Variants in DNMT3B observed in about 807,000 individuals in gnomAD.
The protein encoded by DNMT3B is DNA (cytosine-5)-methyltransferase 3B.
Under a neutral mutation model 120.2 loss-of-function variants are expected in DNMT3B, and 37 were observed. That is an observed-to-expected ratio of 0.31 (90% CI 0.24 to 0.40). The LOEUF (loss-of-function observed/expected upper bound fraction) is 0.40. DNMT3B is among the 10% of genes least tolerant of loss of function. The pLI, the probability that DNMT3B is intolerant of heterozygous loss-of-function variation, is 1.00. For missense variants in DNMT3B, 878 were observed against 1,137.3 expected (o/e 0.77, Z 3.28); for synonymous variants, 412 against 442.8 (o/e 0.93, Z 0.87).
At chr20:32,774,065 T>C (rs2145874506) in intron 1 of DNMT3B, among the ~76,000 whole-genome samples, 1 of 151,544 alleles carries the variant, frequency 6.6e-6, no homozygotes, top group Non-Finnish European at 1.5e-5. Context: ...TGTGTTCTGC[T>C]GCCGCCGCCA....
chr20:32,808,256 GT>G lies in DNMT3B; in HGVS notation c.*354del, dbSNP rs1982181361. On this transcript the variant is annotated 3_prime_UTR_variant, in exon 23 of 23. Coordinates refer to ENST00000328111, the MANE Select transcript of DNMT3B (RefSeq NM_006892.4). The stretch of plus-strand genomic sequence containing the variant: ...CAATGGCTAAGATACCAAAACCACA[GT>G]GCCGACAGCTCTCCAATACTCAGGT... The G allele has an allele frequency of 5.0e-6, 2 of 402,388 alleles. No individual in the cohort carries two copies. Among genetic ancestry groups the G allele is most frequent in the Non-Finnish European group, 9.3e-6 (2 of 215,820 alleles). 24.9% of individuals were successfully genotyped at this position (402,388 alleles called of 1,614,324 possible).
At position 32,802,765 on chromosome 20, in the gene DNMT3B, C is replaced by T. The variant is rs551151582; in HGVS notation, c.2231+295C>T. Among the ~76,000 whole-genome samples the T allele has an allele frequency of 3.9e-5, 6 of 152,132 alleles. No individual in the cohort carries two copies. The East Asian group carries it at 9.7e-4, about 25-fold the overall frequency. Reference sequence around the variant, plus strand: ...CTGTAATCCCAGCACTTTGGGAGGCCGAGGCTGGAGGATCGCTTGAGCCCA... The same window carrying T: ...CTGTAATCCCAGCACTTTGGGAGGCTGAGGCTGGAGGATCGCTTGAGCCCA... On this transcript the variant is annotated intron_variant, in intron 20 of 22. Transcript: ENST00000328111.
rs764716011 is a variant in DNMT3B at position 32,805,369 on chromosome 20, G to C, written c.2263G>C (p.Glu755Gln). The C allele has an allele frequency of 4.3e-6, 7 of 1,614,056 alleles. No individual in the cohort carries two copies. Among genetic ancestry groups the C allele is most frequent in the Admixed American group, 1.7e-5 (1 of 60,010 alleles). ...GATAGCATCAAAGAATGATAAACTC[G>C]AGCTGCAGGACTGCTTGGAATACAA... ...PVIASKNDKL[E>Q]LQDCLEYNRI... is the part of the protein sequence containing the mutation. The change falls in exon 21 of 23, where the codon GAG (glutamate) becomes CAG (glutamine). Residue 755 changes from glutamate (E) to glutamine (Q), a missense_variant. Coordinates refer to ENST00000328111, the MANE Select transcript of DNMT3B (RefSeq NM_006892.4).
intron 1 of DNMT3B, among the ~76,000 whole-genome samples, chr20:32,771,173 C>G (rs1402738520): frequency 6.6e-6 from 1 of 152,104 alleles, no homozygotes; most frequent in East Asian, 1.9e-4. Context: ...AAAGTCTATC[C>G]ATGTTGAAAC....
At chr20:32,763,154 G>T (rs937167201) in intron 1 of DNMT3B, among the ~76,000 whole-genome samples, 3 of 152,328 alleles carry the variant, frequency 2.0e-5, no homozygotes, top group Admixed American at 1.3e-4. Context: ...GGCAGAGGAG[G>T]TGAGGAGGGG....
intron 14 of DNMT3B, among the ~76,000 whole-genome samples, chr20:32,798,256 C>A (rs1601120171): frequency 6.6e-6 from 1 of 152,264 alleles, no homozygotes; most frequent in Admixed American, 6.5e-5. Flanking sequence ...ATCAGAGAGC[C>A]TGTGGGATTA....
rs1981032113 is a variant in DNMT3B at position 32,799,277 on chromosome 20, G to C, written c.1708G>C (p.Ala570Pro). The change falls in exon 16 of 23, where the codon GCC becomes CCC. Residue 570 changes from alanine to proline, a missense_variant. Physicochemically the swap from Ala to Pro is conservative, Grantham distance 27. Coordinates refer to ENST00000328111, the MANE Select transcript of DNMT3B (RefSeq NM_006892.4). ...APKLYPAIPA[A>P]RRRPIRVLSL... Reference sequence around the variant, plus strand: ...CAAGCTGTACCCTGCCATTCCCGCAGCCCGAAGGCGGCCCATTCGAGTCCT... The same window carrying C: ...CAAGCTGTACCCTGCCATTCCCGCACCCCGAAGGCGGCCCATTCGAGTCCT... 1 of 1,613,312 alleles carries C rather than the reference G, an allele frequency of 6.2e-7. No homozygotes were observed. The highest frequency in any genetic ancestry group is 8.5e-7 in the Non-Finnish European group (1 of 1,179,802).
At chr20:32,771,801 C>T (rs1449089845) in intron 1 of DNMT3B, among the ~76,000 whole-genome samples, 1 of 152,036 alleles carries the variant, frequency 6.6e-6, no homozygotes, top group Non-Finnish European at 1.5e-5. Flanking sequence ...CTATCTCATA[C>T]CATATACAAA....
At chr20:32,796,087 C>G (rs1201869690) in intron 12 of DNMT3B, among the ~76,000 whole-genome samples, 2 of 152,200 alleles carry the variant, frequency 1.3e-5, no homozygotes, top group African/African-American at 4.8e-5. Context: ...GGATTGGATA[C>G]TCTGATCAGA....
chr20:32,805,431 G>A, intron 21 of DNMT3B, 24 bp downstream of exon 21: 1 of 1,613,802 alleles, frequency 6.2e-7, no homozygotes, highest in Non-Finnish European at 8.5e-7. Context: ...TGGCCCTCTG[G>A]AAAAATGCAC....
At chr20:32,806,781 G>A (rs1982028919) in intron 22 of DNMT3B, among the ~76,000 whole-genome samples, 1 of 151,826 alleles carries the variant, frequency 6.6e-6, no homozygotes, top group African/African-American at 2.4e-5. Flanking sequence ...TTGGATTTCA[G>A]TTCTGTTCTG....
rs148312208 is a variant in DNMT3B, at chr20:32,800,153, G to A, written c.1760G>A (p.Gly587Asp). The A allele has an allele frequency of 2.5e-6, 4 of 1,614,238 alleles. No homozygotes were observed. The highest frequency in any genetic ancestry group is 3.4e-6 in the Non-Finnish European group (4 of 1,180,044). ...VLSLFDGIAT[G>D]YLVLKELGIK... ...TTCTGTGTCTCTCTGGCCCCCACAG[G>A]CTACCTAGTCCTCAAAGAGTTGGGC... Residue 587 changes from glycine (G) to aspartate (D), a missense_variant and splice_region_variant, in exon 17 of 23, where the codon GGC becomes GAC. Physicochemically the swap from Gly to Asp is moderately conservative, Grantham distance 94 (BLOSUM62 -1). This residue lies in a region of DNMT3B where 334 missense variants were observed against 518.8 expected (regional missense o/e 0.64). Coordinates refer to ENST00000328111, the MANE Select transcript of DNMT3B (RefSeq NM_006892.4).
chr20:32,801,158 C>A, intron 18 of DNMT3B, 120 bp from the exon 19 acceptor site: 1 of 1,447,782 alleles, frequency 6.9e-7, no homozygotes, highest in Non-Finnish European at 9.6e-7. Context: ...TGGACATAGA[C>A]TGGTAGGCAT....
intron 1 of DNMT3B, among the ~76,000 whole-genome samples, chr20:32,769,330 G>A (rs1401302049): frequency 6.6e-6 from 1 of 152,096 alleles, no homozygotes; most frequent in African/African-American, 2.4e-5. Flanking sequence ...CTCGTGATCT[G>A]CCCGCCTCGG....
intron 13 of DNMT3B, 113 bp from the exon 14 acceptor site, chr20:32,797,074 C>A (rs6057648): frequency 0.024 from 38,891 of 1,604,600 alleles, 836 homozygotes; most frequent in African/African-American, 0.1. Flanking sequence ...TAAAGGACAC[C>A]AAGCCACCAG....
chr20:32,792,806 C>G, intron 9 of DNMT3B, 36 bp downstream of exon 9: 1 of 1,613,220 alleles, frequency 6.2e-7, no homozygotes. Context: ...CCCGCTGCCT[C>G]TGCTGGTGGG....
Position 32,787,419 on chromosome 20 carries a change from G to A in DNMT3B, c.622G>A (p.Asp208Asn). 6.2e-7 allele frequency: 1 copy of A among 1,614,224 alleles called. No individual in the cohort carries two copies. The highest frequency in any genetic ancestry group is 1.1e-5 in the South Asian group (1 of 91,082). Residue 208 changes from aspartate to asparagine, a missense_variant, in exon 6 of 23, where the codon GAC (aspartate) becomes AAC (asparagine). By Grantham distance (23) the Asp-to-Asn change is conservative. This residue lies in a region of DNMT3B where 287 missense variants were observed against 306.2 expected (regional missense o/e 0.94). Transcript: ENST00000328111. ...CATGGAGTCCCCGCAGGTGGAGGCA[G>A]ACAGTGGAGATGGAGACAGTTCAGA... ...GGMESPQVEADSGDGDSSEYQ... is the reference protein window; with the variant it reads ...GGMESPQVEANSGDGDSSEYQ...
intron 2 of DNMT3B, 47 bp downstream of exon 2, chr20:32,780,512 G>A (rs1411124261): frequency 6.2e-7 from 1 of 1,602,288 alleles, no homozygotes; most frequent in Non-Finnish European, 8.5e-7. Context: ...CTGACATAGT[G>A]AGCGGTCACT....
Position 32,765,774 on chromosome 20 carries a change from GA to G in DNMT3B, c.-7+3076del, listed in dbSNP as rs1171158947. Reference sequence around the variant, plus strand: ...TCTTTTTTTCTTTTTTTTTTTTTTTGAGACGGAGTCTGGCTCTGTCTCCCAG... The same window carrying G: ...TCTTTTTTTCTTTTTTTTTTTTTTTGGACGGAGTCTGGCTCTGTCTCCCAG... On this transcript the variant is annotated intron_variant, in intron 1 of 22. Transcript: ENST00000328111. Among the ~76,000 whole-genome samples the G allele has an allele frequency of 1.0e-4, 4 of 39,364 alleles. No homozygotes were observed. The Admixed American group carries it at 1.3e-3, about 13-fold the overall frequency. 25.8% of individuals were successfully genotyped at this position (39,364 alleles called of 152,430 possible).
Sources: gnomAD v4.1 joint callset for allele counts (sites outside exome capture counted in the v4.1 genomes callset) on GRCh38, gnomAD v4.1.1 for gene constraint, gnomAD v4.1.1 regional missense constraint, MANE v1.5 for transcripts, NCBI Gene and HGNC (gene_info 2026-07-23, HGNC 2026-07-21) for gene names.